FAM13A: variants seen among roughly 807,000 people sequenced by gnomAD.
FAM13A encodes the protein protein FAM13A.
A neutral mutation model predicts 129.6 loss-of-function variants in FAM13A; 76 were observed. The observed-to-expected ratio is 0.59, with a 90% confidence interval of 0.49 to 0.71. The LOEUF (loss-of-function observed/expected upper bound fraction) is 0.71, where lower values mean the gene tolerates loss of function less well. Among genes scored for constraint, FAM13A ranks in the 30% least tolerant of loss-of-function variants. The probability of loss-of-function intolerance (pLI) is 0.00; values close to 1 mark genes in which losing one functional copy is unlikely to be tolerated. For missense variants in FAM13A, 1,108 were observed against 1,249.3 expected (o/e 0.89, Z 1.70); for synonymous variants, 443 against 449.9 (o/e 0.98, Z 0.20).
At chr4:88,958,615 G>A (rs567848765) in intron 4 of FAM13A, among the ~76,000 whole-genome samples, 4 of 152,234 alleles carry the variant, frequency 2.6e-5, no homozygotes, top group Non-Finnish European at 5.9e-5. Flanking sequence ...GCATGAGAAA[G>A]CCTGGTTGTC....
chr4:88,741,823 T>G (rs1325030216), intron 19 of FAM13A, among the ~76,000 whole-genome samples: 1 of 152,126 alleles, frequency 6.6e-6, no homozygotes, highest in African/African-American at 2.4e-5. Flanking sequence ...ACACTTCTGG[T>G]CCCAAGCATT....
Position 88,851,053 on chromosome 4 carries a change from G to A in FAM13A, c.974C>T (p.Ala325Val), listed in dbSNP as rs1337739765. 3.7e-6 allele frequency: 6 copies of A among 1,613,990 alleles called. No homozygotes were observed. Among genetic ancestry groups the A allele is most frequent in the Non-Finnish European group, 5.1e-6 (6 of 1,179,980 alleles). The change falls in exon 7 of 24, where the codon GCA (alanine) becomes GTA (valine). Residue 325 changes from alanine to valine, a missense_variant. Coordinates refer to ENST00000264344, the MANE Select transcript of FAM13A (RefSeq NM_014883.4). The part of the protein sequence containing the change: ...RKACLEDMNS[A>V]EGAISAKLVP... ...CAACTTGGCACTAATAGCACCCTCT[G>A]CTGAATTCATGTCTTCCAAGCAGGC...
intron 13 of FAM13A, among the ~76,000 whole-genome samples, chr4:88,765,848 G>C (rs532451478): frequency 9.9e-4 from 151 of 152,258 alleles, no homozygotes; most frequent in Middle Eastern, 3.4e-3. Flanking sequence ...TATTATTAGT[G>C]AACGCCTAAG....
chr4:88,760,276 T>C (rs1025838835), intron 13 of FAM13A, among the ~76,000 whole-genome samples: 1 of 152,186 alleles, frequency 6.6e-6, no homozygotes, highest in African/African-American at 2.4e-5. Flanking sequence ...TGAAATACCA[T>C]CAATCGGGTC....
In FAM13A at chr4:88,861,322, A is replaced by C. The variant is rs1163424193; in HGVS notation, c.844-10139T>G. 2.0e-5 allele frequency among the ~76,000 whole-genome samples: 3 copies of C among 151,362 alleles called. No individual in the cohort carries two copies. The East Asian group carries it at 5.8e-4, about 29-fold the overall frequency. ...CTTGAATCCGGGAGGCAAAGGTTGCAATGAGCCAAGATCATGCCACTGCAC... is the reference window on the plus strand; with the variant it reads ...CTTGAATCCGGGAGGCAAAGGTTGCCATGAGCCAAGATCATGCCACTGCAC... On this transcript the variant is annotated intron_variant, in intron 6 of 23. Transcript: ENST00000264344.
chr4:88,985,297 G>A (rs1272001027), intron 4 of FAM13A, among the ~76,000 whole-genome samples: 2 of 152,194 alleles, frequency 1.3e-5, no homozygotes, highest in Non-Finnish European at 2.9e-5. Flanking sequence ...GTTGTGGGGA[G>A]TGATTGGGAA....
intron 9 of FAM13A, among the ~76,000 whole-genome samples, chr4:88,788,554 A>G (rs1724453551): frequency 1.3e-5 from 2 of 152,168 alleles, no homozygotes; most frequent in Admixed American, 1.3e-4. Flanking sequence ...ACCCCAGAAC[A>G]TATTACTGAA....
intron 13 of FAM13A, among the ~76,000 whole-genome samples, chr4:88,764,131 C>T (rs1001467764): frequency 3.3e-5 from 5 of 151,876 alleles, no homozygotes; most frequent in Non-Finnish European, 7.4e-5. Flanking sequence ...GCCTTGTCTC[C>T]TCTCCTTCTT....
intron 19 of FAM13A, 125 bp from the exon 20 acceptor site, chr4:88,739,250 C>A: frequency 1.5e-6 from 1 of 665,014 alleles, no homozygotes; most frequent in East Asian, 2.7e-5. Flanking sequence ...GTCTTACTAC[C>A]CTCACAGAAT....
At chr4:88,959,283 A>G (rs1045691719) in intron 4 of FAM13A, among the ~76,000 whole-genome samples, 3 of 152,136 alleles carry the variant, frequency 2.0e-5, no homozygotes, top group Admixed American at 2.0e-4. Flanking sequence ...TATAGTTTGA[A>G]TATTTGTCCC....
chr4:88,837,718 CAAAAAAAA>C (rs34184242), intron 7 of FAM13A, among the ~76,000 whole-genome samples: 6 of 71,588 alleles, frequency 8.4e-5, no homozygotes, highest in African/African-American at 2.0e-4. Context: ...AACTCCGTCT[CAAAAAAAA>C]AAAAAAAAAA....
chr4:88,962,218 T>C (rs1378563447), intron 4 of FAM13A, among the ~76,000 whole-genome samples: 1 of 152,062 alleles, frequency 6.6e-6, no homozygotes, highest in Non-Finnish European at 1.5e-5. Context: ...CTCCTTTTAA[T>C]AGATTTCAAA....
intron 10 of FAM13A, 66 bp from the exon 11 acceptor site, chr4:88,781,417 C>G: frequency 9.4e-7 from 1 of 1,061,038 alleles, no homozygotes; most frequent in Non-Finnish European, 1.4e-6. Context: ...GATACTCTAA[C>G]TACATCATAT....
At chr4:88,968,707 T>C (rs923106901) in intron 4 of FAM13A, among the ~76,000 whole-genome samples, 3 of 152,192 alleles carry the variant, frequency 2.0e-5, no homozygotes, top group Admixed American at 2.0e-4. Context: ...TTCATGTTCC[T>C]GCCCTGTTCT....
intron 6 of FAM13A, among the ~76,000 whole-genome samples, chr4:88,877,890 G>T (rs543767155): frequency 6.6e-6 from 1 of 152,282 alleles, no homozygotes; most frequent in Admixed American, 6.5e-5. Flanking sequence ...ATCAATGGTG[G>T]TGCTCATTCT....
intron 5 of FAM13A, among the ~76,000 whole-genome samples, chr4:88,911,278 T>C (rs1418689073): frequency 6.6e-6 from 1 of 152,232 alleles, no homozygotes; most frequent in East Asian, 1.9e-4. Context: ...AGCTATATGC[T>C]TTCTCTGTGC....
In FAM13A at chr4:88,750,636, C is replaced by A. The variant is rs746861195; in HGVS notation, c.1728G>T (p.Glu576Asp). 3.8e-6 allele frequency: 6 copies of A among 1,598,250 alleles called. No homozygotes were observed. The South Asian group carries it at 6.6e-5, about 18-fold the overall frequency. ...TALCDEKNWE[E>D]PIPAFSSWQR... The stretch of plus-strand genomic sequence containing the variant: ...GCCAGGAGGAGAAAGCAGGGATAGG[C>A]TCTGGAAGATAAGGGCAGTAAGATC... The change falls in exon 15 of 24, where the codon GAG becomes GAT. Residue 576 changes from glutamate (E) to aspartate (D), a missense_variant and splice_region_variant. By Grantham distance (45) the Glu-to-Asp change is conservative. This residue lies in a region of FAM13A where 529 missense variants were observed against 621.2 expected (regional missense o/e 0.85). Coordinates refer to ENST00000264344, the MANE Select transcript of FAM13A (RefSeq NM_014883.4).
chr4:88,876,720 T>C (rs1304871479), intron 6 of FAM13A, among the ~76,000 whole-genome samples: 1 of 152,062 alleles, frequency 6.6e-6, no homozygotes, highest in African/African-American at 2.4e-5. Flanking sequence ...GCCTCCCAAG[T>C]AGCTGGGACT....
At chr4:89,004,297 C>T (rs1764699791) in intron 3 of FAM13A, among the ~76,000 whole-genome samples, 1 of 151,846 alleles carries the variant, frequency 6.6e-6, no homozygotes. Context: ...CACCACCAGG[C>T]CTGGCTAATT....
Sources: gnomAD v4.1 joint callset for allele counts (sites outside exome capture counted in the v4.1 genomes callset) on GRCh38, gnomAD v4.1.1 for gene constraint, gnomAD v4.1.1 regional missense constraint, MANE v1.5 for transcripts, NCBI Gene and HGNC (gene_info 2026-07-23, HGNC 2026-07-21) for gene names.